The following AGMO variants were observed in gnomAD, a reference collection of about 807,000 sequenced individuals.
AGMO encodes the protein alkylglycerol monooxygenase.
AGMO carries 75 observed loss-of-function variants against 60.2 expected under a neutral mutation model. The observed-to-expected ratio is 1.25, with a 90% confidence interval of 1.03 to 1.51. AGMO has a LOEUF of 1.51. Among genes scored for constraint, AGMO ranks in the 40% most tolerant of loss-of-function variants. The probability of loss-of-function intolerance (pLI) is 0.00; values close to 1 mark genes in which losing one functional copy is unlikely to be tolerated. For missense variants in AGMO, 763 were observed against 525.5 expected (o/e 1.45, Z -4.42); for synonymous variants, 261 against 177.1 (o/e 1.47, Z -3.76).
At chr7:15,482,583 T>C (rs1782788239) in intron 3 of AGMO, among the ~76,000 whole-genome samples, 1 of 152,004 alleles carries the variant, frequency 6.6e-6, no homozygotes, top group Admixed American at 6.6e-5. Flanking sequence ...AAGGAAGAAA[T>C]AGTGACAAAT....
chr7:15,314,180 AC>A (rs1780847550), intron 12 of AGMO, among the ~76,000 whole-genome samples: 2 of 152,032 alleles, frequency 1.3e-5, no homozygotes, highest in Admixed American at 6.6e-5. Flanking sequence ...CCGGGGTGAG[AC>A]TGAGCAGGAG....
At chr7:15,412,657 T>C (rs1780646217) in intron 5 of AGMO, among the ~76,000 whole-genome samples, 2 of 149,362 alleles carry the variant, frequency 1.3e-5, no homozygotes. Flanking sequence ...AGAGGGGCTT[T>C]GTAAACACCT....
rs144103742 is a variant in AGMO at position 15,236,312 on chromosome 7, TTTACA to T, written c.1264-34958_1264-34954del. Among the ~76,000 whole-genome samples the T allele has an allele frequency of 2.5e-3, 375 of 152,220 alleles. 2 individuals are homozygous for T. The highest frequency in any genetic ancestry group is 8.7e-3 in the African/African-American group (361 of 41,558). ...TTTTATAGATCTTGTAAAAACTACATTTACATTAAACTACATAAAAACTACATTAT... is the reference window on the plus strand; with the variant it reads ...TTTTATAGATCTTGTAAAAACTACATTTAAACTACATAAAAACTACATTAT... On this transcript the variant is annotated intron_variant, in intron 12 of 12. Coordinates refer to ENST00000342526, the MANE Select transcript of AGMO (RefSeq NM_001004320.2).
At chr7:15,280,882 C>G (rs1783945025) in intron 12 of AGMO, among the ~76,000 whole-genome samples, 1 of 152,184 alleles carries the variant, frequency 6.6e-6, no homozygotes, top group Non-Finnish European at 1.5e-5. Flanking sequence ...CAAAGGATCT[C>G]TAATGTAGAT....
intron 12 of AGMO, among the ~76,000 whole-genome samples, chr7:15,226,564 G>C (rs1782087605): frequency 2.6e-5 from 4 of 152,036 alleles, no homozygotes; most frequent in Non-Finnish European, 5.9e-5. Context: ...AATTTTTAAA[G>C]AGTAGAAATA....
chr7:15,536,973 T>C (rs965465250), intron 3 of AGMO, among the ~76,000 whole-genome samples: 1 of 152,060 alleles, frequency 6.6e-6, no homozygotes, highest in East Asian at 1.9e-4. Context: ...GCATCATGCA[T>C]ATTTAGCGAA....
At chr7:15,285,970 G>T (rs1784086694) in intron 12 of AGMO, among the ~76,000 whole-genome samples, 3 of 151,982 alleles carry the variant, frequency 2.0e-5, no homozygotes, top group South Asian at 4.1e-4. Context: ...AATATAAATT[G>T]GGGAAAGGAC....
intron 12 of AGMO, among the ~76,000 whole-genome samples, chr7:15,342,645 G>A (rs918276674): frequency 2.0e-5 from 3 of 151,712 alleles, no homozygotes; most frequent in African/African-American, 7.3e-5. Context: ...TTTCTCTCCT[G>A]ATTTTGCGCG....
intron 5 of AGMO, 91 bp from the exon 6 acceptor site, chr7:15,394,270 A>G: frequency 2.0e-6 from 2 of 1,006,936 alleles, no homozygotes; most frequent in South Asian, 2.8e-5. Context: ...CACATAAATT[A>G]AGAGATATTG....
chr7:15,245,562 A>G (rs80092894), intron 12 of AGMO, among the ~76,000 whole-genome samples: 5,255 of 152,080 alleles, frequency 0.035, 333 homozygotes, highest in African/African-American at 0.12. Flanking sequence ...AATCACTATC[A>G]TAGAGGTATT....
intron 2 of AGMO, among the ~76,000 whole-genome samples, chr7:15,555,290 T>TACACACACAC (rs1420696152): frequency 9.6e-6 from 1 of 103,658 alleles, no homozygotes; most frequent in Admixed American, 9.3e-5. Flanking sequence ...TATATATATA[T>TACACACACAC]ATACACACAC....
chr7:15,146,570 A>C, the AGMO span, among the ~76,000 whole-genome samples: 172 of 152,004 alleles, frequency 1.1e-3, no homozygotes, highest in African/African-American at 3.8e-3. Flanking sequence ...TGAAGTAATT[A>C]TGTATGTTAG....
At chr7:15,159,582 C>G in the AGMO span, among the ~76,000 whole-genome samples, 1 of 152,090 alleles carries the variant, frequency 6.6e-6, no homozygotes, top group East Asian at 1.9e-4. Context: ...AGCAAGAAAG[C>G]TTTAAAGGAG....
intron 4 of AGMO, among the ~76,000 whole-genome samples, chr7:15,420,399 G>T (rs571891466): frequency 2.1e-4 from 32 of 152,096 alleles, no homozygotes; most frequent in African/African-American, 7.7e-4. Context: ...TTATATATCA[G>T]TAATATAATG....
intron 12 of AGMO, among the ~76,000 whole-genome samples, chr7:15,248,199 T>TATAC (rs1294352556): frequency 2.3e-5 from 2 of 87,264 alleles, no homozygotes; most frequent in Non-Finnish European, 4.7e-5. Context: ...TATATATATA[T>TATAC]ATATATATAT....
chr7:15,354,083 G>T (rs908677504), intron 12 of AGMO, among the ~76,000 whole-genome samples: 3 of 151,690 alleles, frequency 2.0e-5, no homozygotes, highest in African/African-American at 7.3e-5. Flanking sequence ...CAAGTATTTT[G>T]TTGTTCATGG....
intron 3 of AGMO, among the ~76,000 whole-genome samples, chr7:15,469,118 G>T (rs913113798): frequency 6.6e-6 from 1 of 152,014 alleles, no homozygotes; most frequent in Non-Finnish European, 1.5e-5. Context: ...TAATAAATTG[G>T]TTTGTGTTGA....
At chr7:15,273,588 T>C (rs903555064) in intron 12 of AGMO, among the ~76,000 whole-genome samples, 2 of 152,212 alleles carry the variant, frequency 1.3e-5, no homozygotes, top group African/African-American at 4.8e-5. Flanking sequence ...TGGCTTAGGA[T>C]TGACTTGGCA....
At chr7:15,555,290 TATACACACACACACACACACAC>T (rs1270539085) in intron 2 of AGMO, among the ~76,000 whole-genome samples, 1 of 103,658 alleles carries the variant, frequency 9.6e-6, no homozygotes, top group Admixed American at 9.3e-5. Flanking sequence ...TATATATATA[TATACACACACACACACACACAC>T]ACACACACAC....
Sources: allele counts gnomAD v4.1 joint callset (sites outside exome capture counted in the v4.1 genomes callset), GRCh38; gene constraint gnomAD v4.1.1; transcripts MANE v1.5; gene names NCBI Gene and HGNC (gene_info 2026-07-23, HGNC 2026-07-21).